MEF2C: variants seen among roughly 807,000 people sequenced by gnomAD.
The protein encoded by MEF2C is myocyte enhancer factor 2C.
Under a neutral mutation model 50.5 loss-of-function variants are expected in MEF2C, and 6 were observed. That is an observed-to-expected ratio of 0.12 (90% CI 0.07 to 0.23). MEF2C has a LOEUF of 0.23. MEF2C is among the 10% of genes least tolerant of loss of function. The pLI, the probability that MEF2C is intolerant of heterozygous loss-of-function variation, is 1.00. For missense variants in MEF2C, 276 were observed against 605.0 expected, an observed-to-expected ratio of 0.46 and a Z score of 5.70; for synonymous variants, 183 against 228.0, an observed-to-expected ratio of 0.80 and a Z score of 1.78.
intron 5 of MEF2C, chr5:88,749,428 A>G: frequency 1.8e-5 from 18 of 984,734 alleles, no homozygotes; most frequent in Non-Finnish European, 2.2e-5. Flanking sequence ...TTTTATAGAA[A>G]GTGAAAGAAA....
At chr5:88,817,180 T>C (rs1805844364) in intron 2 of MEF2C, among the ~76,000 whole-genome samples, 1 of 152,052 alleles carries the variant, frequency 6.6e-6, no homozygotes, top group Non-Finnish European at 1.5e-5. Flanking sequence ...AGTGAATGTA[T>C]CTCTCTTTCA....
Position 88,749,132 on chromosome 5 carries a change from G to A in MEF2C, c.590-15C>T. The A allele has an allele frequency of 6.4e-7, 1 of 1,557,586 alleles. No homozygotes were observed. The highest frequency in any genetic ancestry group is 8.7e-7 in the Non-Finnish European group (1 of 1,151,780). On this transcript the variant is annotated splice_polypyrimidine_tract_variant and intron_variant, in intron 5 of 10. Coordinates refer to ENST00000504921, the MANE Select transcript of MEF2C (RefSeq NM_002397.5). ...CATCAGACCACCTATGGATTAAAGA[G>A]GAAGATCAAAACGAGAAAGGCTAAA...
At position 88,719,765 on chromosome 5, in the gene MEF2C, T is replaced by A. The variant is rs1325106612; in HGVS notation, c.*2839A>T. 6.6e-6 allele frequency: 1 copy of A among 152,212 alleles called. No homozygotes were observed. The highest frequency in any genetic ancestry group is 6.5e-5 in the Admixed American group (1 of 15,282). The allele number at this position is 152,212 out of a possible 1,614,324, so 9.4% of individuals were successfully genotyped here. A position where few individuals can be genotyped will look rare whatever the true frequency, so the allele number is the denominator to read the frequency against. On this transcript the variant is annotated 3_prime_UTR_variant, in exon 11 of 11. Coordinates refer to ENST00000504921, the MANE Select transcript of MEF2C (RefSeq NM_002397.5). ...TGCTTCTTCTCATTAAATCATCTTT[T>A]AAAAATTCTCAGATTATCCCTTCCC...
chr5:88,861,372 T>C (rs1825442527), intron 1 of MEF2C, among the ~76,000 whole-genome samples: 1 of 152,364 alleles, frequency 6.6e-6, no homozygotes, highest in South Asian at 2.1e-4. Context: ...GATTCCAATG[T>C]GAAGCCAGAT....
chr5:88,762,910 G>A (rs1454870769), intron 3 of MEF2C, among the ~76,000 whole-genome samples: 1 of 152,070 alleles, frequency 6.6e-6, no homozygotes, highest in Non-Finnish European at 1.5e-5. Context: ...ATGCAATTGG[G>A]GAAAATAAAT....
rs564277430 is a variant in MEF2C, at chr5:88,804,538, G to C, written c.258+60C>G. The C allele has an allele frequency of 1.9e-5, 28 of 1,473,064 alleles. No individual in the cohort carries two copies. The African/African-American group carries it at 3.2e-4, about 17-fold the overall frequency. The allele number at this position is 1,473,064 out of a possible 1,614,324, so 91.2% of individuals were successfully genotyped here. A position where few individuals can be genotyped will look rare whatever the true frequency, so the allele number is the denominator to read the frequency against. ...TGATGTGTGTATGTGTGTGTGGCAG[G>C]GGGAGGTCCAAACTCCCCTGCTTGC... On this transcript the variant is annotated intron_variant, in intron 3 of 10. Transcript: ENST00000504921.
At chr5:88,791,000 A>G (rs1432548440) in intron 3 of MEF2C, among the ~76,000 whole-genome samples, 2 of 152,232 alleles carry the variant, frequency 1.3e-5, no homozygotes, top group African/African-American at 4.8e-5. Context: ...AAGCCTCAGA[A>G]TCATTCTTAG....
chr5:88,773,309 A>G (rs1047328833), intron 3 of MEF2C, among the ~76,000 whole-genome samples: 1 of 152,222 alleles, frequency 6.6e-6, no homozygotes, highest in African/African-American at 2.4e-5. Context: ...GGCACTTATT[A>G]GGTTTGTATA....
At chr5:88,811,884 C>T (rs1802988388) in intron 2 of MEF2C, among the ~76,000 whole-genome samples, 1 of 152,116 alleles carries the variant, frequency 6.6e-6, no homozygotes, top group Non-Finnish European at 1.5e-5. Flanking sequence ...AACCAAGTCC[C>T]AGCTCTGCCT....
At chr5:88,780,854 T>C in intron 3 of MEF2C, 4 of 985,378 alleles carry the variant, frequency 4.1e-6, no homozygotes, top group Non-Finnish European at 4.8e-6. Context: ...TCTTTCTCCC[T>C]ACATCTCTCT....
intron 1 of MEF2C, among the ~76,000 whole-genome samples, chr5:88,862,173 T>C (rs181743652): frequency 6.6e-6 from 1 of 152,358 alleles, no homozygotes; most frequent in East Asian, 1.9e-4. Flanking sequence ...CCCTGCTCTT[T>C]ACATAAAACT....
chr5:88,884,879 C>G (rs1383424869), upstream of MEF2C, among the ~76,000 whole-genome samples: 1 of 150,118 alleles, frequency 6.7e-6, no homozygotes, highest in Non-Finnish European at 1.5e-5. Context: ...TTAATATATA[C>G]CATGCCCAAT....
chr5:88,792,370 T>C (rs552414992), intron 3 of MEF2C, among the ~76,000 whole-genome samples: 1 of 152,270 alleles, frequency 6.6e-6, no homozygotes, highest in African/African-American at 2.4e-5. Context: ...AGGGGTAAAG[T>C]GTGCTTTTAG....
chr5:88,737,916 A>T (rs1764785287), intron 6 of MEF2C: 1 of 985,222 alleles, frequency 1.0e-6, no homozygotes, highest in Non-Finnish European at 1.2e-6. Flanking sequence ...AGCTTTATTA[A>T]ATTTGTGTTA....
At chr5:88,823,325 C>T (rs568888211) in intron 2 of MEF2C, among the ~76,000 whole-genome samples, 28 of 152,036 alleles carry the variant, frequency 1.8e-4, no homozygotes, top group African/African-American at 6.5e-4. Context: ...CATTTTCATA[C>T]AGGATATTTA....
At chr5:88,780,565 T>C (rs1424547074) in intron 3 of MEF2C, among the ~76,000 whole-genome samples, 1 of 152,144 alleles carries the variant, frequency 6.6e-6, no homozygotes, top group African/African-American at 2.4e-5. Context: ...TACATTAGAG[T>C]GTTCCTGGCT....
chr5:88,830,308 A>G (rs756927111), intron 1 of MEF2C, among the ~76,000 whole-genome samples: 3 of 152,034 alleles, frequency 2.0e-5, no homozygotes, highest in Non-Finnish European at 2.9e-5. Flanking sequence ...ACAAAAAGAG[A>G]TGAAATGTAT....
intron 3 of MEF2C, among the ~76,000 whole-genome samples, chr5:88,785,840 GAA>G (rs796478976): frequency 6.9e-6 from 1 of 144,722 alleles, no homozygotes; most frequent in Non-Finnish European, 1.5e-5. Flanking sequence ...AACCTATGAG[GAA>G]AAAAAAAAAA....
intron 5 of MEF2C, chr5:88,751,430 C>G (rs572455148): frequency 1.0e-6 from 1 of 984,868 alleles, no homozygotes; most frequent in Admixed American, 6.2e-5. Flanking sequence ...AAAAAATTGA[C>G]CCAAATAATA....
Sources: gnomAD v4.1 joint callset for allele counts (sites outside exome capture counted in the v4.1 genomes callset) on GRCh38, gnomAD v4.1.1 for gene constraint, MANE v1.5 for transcripts, NCBI Gene and HGNC (gene_info 2026-07-23, HGNC 2026-07-21) for gene names.